The following DOCK1 variants were observed in gnomAD, a reference collection of about 807,000 sequenced individuals.
The protein encoded by DOCK1 is dedicator of cytokinesis 1.
DOCK1 carries 138 observed loss-of-function variants against 262.7 expected under a neutral mutation model. The observed-to-expected ratio is 0.53, with a 90% CI of 0.46 to 0.61. DOCK1 has a LOEUF of 0.61. Among genes scored for constraint, DOCK1 ranks in the 20% least tolerant of loss-of-function variants. The pLI is 0.00. For missense variants in DOCK1, 1,908 were observed against 2,370.7 expected (o/e 0.80, Z 4.05); for synonymous variants, 866 against 867.4 (o/e 1.00, Z 0.03).
At chr10:127,194,409 C>CA (rs370418992) in intron 27 of DOCK1, among the ~76,000 whole-genome samples, 271 of 152,068 alleles carry the variant, frequency 1.8e-3, no homozygotes, top group African/African-American at 3.7e-3. Context: ...ATCATTCTTG[C>CA]AAAAAAATTG....
chr10:127,245,322 T>G (rs913561420), intron 27 of DOCK1, among the ~76,000 whole-genome samples: 2 of 152,234 alleles, frequency 1.3e-5, no homozygotes, highest in Non-Finnish European at 2.9e-5. Context: ...GACTGAACGA[T>G]GCACATGACT....
intron 29 of DOCK1, among the ~76,000 whole-genome samples, chr10:127,336,696 C>T (rs1390945469): frequency 1.3e-5 from 2 of 152,136 alleles, no homozygotes; most frequent in East Asian, 1.9e-4. Context: ...CCCGCCACCA[C>T]ACCCAGCTAA....
At chr10:127,127,147 C>T (rs375310574) in intron 26 of DOCK1, among the ~76,000 whole-genome samples, 1 of 152,146 alleles carries the variant, frequency 6.6e-6, no homozygotes, top group African/African-American at 2.4e-5. Context: ...TCATAGTTCA[C>T]GAAGAAGAAT....
intron 2 of DOCK1, among the ~76,000 whole-genome samples, chr10:126,971,616 C>G (rs1470222950): frequency 2.0e-5 from 3 of 152,150 alleles, no homozygotes; most frequent in Non-Finnish European, 4.4e-5. Context: ...CAGGATTTCA[C>G]CATGTTGCCC....
intron 38 of DOCK1, among the ~76,000 whole-genome samples, chr10:127,400,380 T>C (rs2067150450): frequency 6.6e-6 from 1 of 152,008 alleles, no homozygotes; most frequent in Non-Finnish European, 1.5e-5. Context: ...GACCCAGGTC[T>C]GGGGCTTGGC....
intron 27 of DOCK1, among the ~76,000 whole-genome samples, chr10:127,221,305 A>T (rs2058427577): frequency 6.6e-6 from 1 of 152,182 alleles, no homozygotes. Context: ...ATTGCAGAAA[A>T]TGCATTATGG....
intron 23 of DOCK1, among the ~76,000 whole-genome samples, chr10:127,076,677 C>T (rs549655251): frequency 1.2e-4 from 18 of 152,276 alleles, no homozygotes; most frequent in African/African-American, 4.3e-4. Flanking sequence ...TGCTCAGCTC[C>T]TCTGGAATCC....
At chr10:127,253,677 C>T (rs2059731256) in intron 28 of DOCK1, among the ~76,000 whole-genome samples, 1 of 151,936 alleles carries the variant, frequency 6.6e-6, no homozygotes, top group African/African-American at 2.4e-5. Flanking sequence ...AATTCAAGAC[C>T]AGCCTGTGCC....
intron 42 of DOCK1, 108 bp from the exon 43 acceptor site, chr10:127,410,732 G>A (rs1254095277): frequency 4.1e-6 from 4 of 964,286 alleles, no homozygotes; most frequent in African/African-American, 1.6e-5. Context: ...CAAGGTTAGG[G>A]ACATTTTACA....
Position 127,125,620 on chromosome 10 carries a change from C to G in DOCK1, c.2751+19C>G. The G allele has an allele frequency of 1.2e-6, 2 of 1,603,616 alleles. No homozygotes were observed. Among genetic ancestry groups the G allele is most frequent in the South Asian group, 2.2e-5 (2 of 88,930 alleles). ...GGACGTGGTGAGTGTTGGCTCTGTG[C>G]GTGACGTCCTGCCATTTGCCTGAAC... On this transcript the variant is annotated intron_variant, in intron 26 of 51. Transcript: ENST00000623213.
rs185757087 is a variant in DOCK1 at position 127,319,432 on chromosome 10, G to A, written c.3045-19574G>A. Among the ~76,000 whole-genome samples, 51 of 152,198 alleles carry A rather than the reference G, an allele frequency of 3.4e-4. No homozygotes were observed. In the East Asian group the frequency reaches 8.3e-3, roughly 25 times the overall value. On this transcript the variant is annotated intron_variant, in intron 29 of 51. Transcript: ENST00000623213. ...GAAGCTTAACTTGCATGTGTTCGGC[G>A]GGCGGGAGCTTCCCAGAGCACTTCC...
chr10:127,001,376 C>G (rs1306203843), intron 10 of DOCK1: 2 of 152,162 alleles, frequency 1.3e-5, no homozygotes, highest in African/African-American at 4.8e-5. Context: ...CTATATATTT[C>G]TCCTTCCTTC....
chr10:127,092,234 C>A (rs1215574153), intron 23 of DOCK1, among the ~76,000 whole-genome samples: 1 of 152,164 alleles, frequency 6.6e-6, no homozygotes, highest in Non-Finnish European at 1.5e-5. Flanking sequence ...GAGAAGGTGC[C>A]CAGTGCACAG....
At chr10:127,225,387 A>G (rs1322395703) in intron 27 of DOCK1, among the ~76,000 whole-genome samples, 1 of 152,264 alleles carries the variant, frequency 6.6e-6, no homozygotes, top group African/African-American at 2.4e-5. Flanking sequence ...GTAACCCATG[A>G]CATGACCTGG....
chr10:127,090,098 G>T (rs1184645668), intron 23 of DOCK1, among the ~76,000 whole-genome samples: 1 of 152,180 alleles, frequency 6.6e-6, no homozygotes, highest in African/African-American at 2.4e-5. Context: ...TGCTGTTCGG[G>T]ACACTGGGAT....
intron 1 of DOCK1, among the ~76,000 whole-genome samples, chr10:126,909,234 A>G (rs544563011): frequency 2.0e-5 from 3 of 152,268 alleles, no homozygotes; most frequent in African/African-American, 7.2e-5. Flanking sequence ...TCAGGGAGCT[A>G]CGGGAGGCCC....
intron 27 of DOCK1, among the ~76,000 whole-genome samples, chr10:127,181,666 T>C (rs2055748007): frequency 6.6e-6 from 1 of 152,318 alleles, no homozygotes; most frequent in East Asian, 1.9e-4. Flanking sequence ...TTCTTCCATA[T>C]GCCAAGGGGG....
At chr10:127,292,805 C>T (rs974506409) in intron 29 of DOCK1, among the ~76,000 whole-genome samples, 1 of 152,072 alleles carries the variant, frequency 6.6e-6, no homozygotes, top group East Asian at 1.9e-4. Context: ...TTGTGCTTCC[C>T]GAGGAAAACC....
At chr10:127,241,774 G>C (rs1019499086) in intron 27 of DOCK1, among the ~76,000 whole-genome samples, 1 of 152,128 alleles carries the variant, frequency 6.6e-6, no homozygotes, top group East Asian at 1.9e-4. Flanking sequence ...CTAAACAGGT[G>C]TTTCTTCCAG....
Sources: gnomAD v4.1 joint callset for allele counts (sites outside exome capture counted in the v4.1 genomes callset) on GRCh38, gnomAD v4.1.1 for gene constraint, MANE v1.5 for transcripts, NCBI Gene and HGNC (gene_info 2026-07-23, HGNC 2026-07-21) for gene names.